AMDHD1: variants seen among roughly 807,000 people sequenced by gnomAD.
The protein encoded by AMDHD1 is amidohydrolase domain containing 1, also known as probable imidazolonepropionase.
Under a neutral mutation model 44.1 loss-of-function variants are expected in AMDHD1, and 45 were observed. The ratio of observed to expected loss-of-function variants is 1.02; its 90% CI spans 0.80 to 1.31. The LOEUF (loss-of-function observed/expected upper bound fraction) is 1.31. Among genes scored for constraint, AMDHD1 ranks in the 50% most tolerant of loss-of-function variants. The probability of loss-of-function intolerance (pLI) is 0.00; values close to 1 mark genes in which losing one functional copy is unlikely to be tolerated. For synonymous variants in AMDHD1, 206 were observed against 205.0 expected, an observed-to-expected ratio of 1.00 and a Z score of -0.04; for missense variants, 586 against 552.1, an observed-to-expected ratio of 1.06 and a Z score of -0.61.
At chr12:95,960,227 T>C (rs1377662803) in intron 4 of AMDHD1, among the ~76,000 whole-genome samples, 171 bp from the exon 5 acceptor site, 1 of 152,226 alleles carries the variant, frequency 6.6e-6, no homozygotes, top group Non-Finnish European at 1.5e-5. Context: ...TATGTAGACA[T>C]GGCCCAATAG....
intron 6 of AMDHD1, among the ~76,000 whole-genome samples, chr12:95,963,797 G>A (rs981830131): frequency 6.6e-6 from 1 of 152,114 alleles, no homozygotes. Flanking sequence ...TTGGGAAGCC[G>A]AGGTGGGCAG....
At chr12:95,961,991 TGCTCGGTG>T (rs1359254994) in intron 5 of AMDHD1, among the ~76,000 whole-genome samples, 1 of 152,224 alleles carries the variant, frequency 6.6e-6, no homozygotes, top group African/African-American at 2.4e-5. Context: ...ATTTAGGCCA[TGCTCGGTG>T]GCTCACGCCT....
At chr12:95,947,652 G>A (rs1337588143) in intron 1 of AMDHD1, among the ~76,000 whole-genome samples, 7 of 59,768 alleles carry the variant, frequency 1.2e-4, no homozygotes, top group African/African-American at 1.9e-4. Flanking sequence ...CCGGCCAGCC[G>A]CCCCGTCCGG....
chr12:95,954,654 A>G (rs143254406), intron 2 of AMDHD1, among the ~76,000 whole-genome samples: 17 of 152,224 alleles, frequency 1.1e-4, no homozygotes, highest in Non-Finnish European at 1.8e-4. Flanking sequence ...AAGGAGCTGT[A>G]TTTCTGTAAG....
chr12:95,957,105 C>A, intron 4 of AMDHD1, 143 bp downstream of exon 4: 2 of 1,158,408 alleles, frequency 1.7e-6, no homozygotes, highest in Non-Finnish European at 2.4e-6. Flanking sequence ...CCACTCATCC[C>A]GCAGACTCGG....
rs767346412 is a variant in AMDHD1 at position 95,956,865 on chromosome 12, G to C, written c.490G>C (p.Glu164Gln). 9 of 1,614,068 alleles carry C rather than the reference G, an allele frequency of 5.6e-6. No individual in the cohort carries two copies. The highest frequency in any genetic ancestry group is 3.3e-5 in the South Asian group (3 of 91,092). ...CAAGAGTGGATATGGCCTCGACCTG[G>C]AGACCGAGCTCAAGATGCTGCGCGT... ...ECKSGYGLDL[E>Q]TELKMLRVIE... The change falls in exon 4 of 9, where the codon GAG (glutamate) becomes CAG (glutamine). Residue 164 changes from glutamate (E) to glutamine (Q), a missense_variant. Transcript: ENST00000266736.
At chr12:95,948,359 T>G (rs1270457533) in intron 1 of AMDHD1, among the ~76,000 whole-genome samples, 5 of 31,418 alleles carry the variant, frequency 1.6e-4, no homozygotes, top group Admixed American at 3.3e-4. Context: ...GGGAGGGAGG[T>G]GGGGGGGGGT....
chr12:95,960,181 G>C (rs985046012), intron 4 of AMDHD1, among the ~76,000 whole-genome samples: 7 of 152,102 alleles, frequency 4.6e-5, no homozygotes, highest in Admixed American at 3.9e-4. Context: ...CTGTGCATAG[G>C]GTCAGTGCAT....
At chr12:95,956,582 T>C in intron 3 of AMDHD1, 103 bp from the exon 4 acceptor site, 1 of 1,493,422 alleles carries the variant, frequency 6.7e-7, no homozygotes, top group Non-Finnish European at 9.1e-7. Context: ...CCATGCCATA[T>C]GGCTTCTTAA....
chr12:95,967,415 C>T (rs2080617017), intron 8 of AMDHD1, among the ~76,000 whole-genome samples: 1 of 152,198 alleles, frequency 6.6e-6, no homozygotes, highest in Non-Finnish European at 1.5e-5. Context: ...GAGCCCATTG[C>T]AGCCCTTGGA....
intron 1 of AMDHD1, among the ~76,000 whole-genome samples, chr12:95,945,395 C>T (rs530429895): frequency 3.9e-5 from 6 of 152,250 alleles, no homozygotes; most frequent in Non-Finnish European, 8.8e-5. Context: ...TAGCTCGGTA[C>T]AGGATGGTGT....
intron 1 of AMDHD1, among the ~76,000 whole-genome samples, chr12:95,949,140 T>TAAAAAAAAAAAA (rs1170844527): frequency 4.5e-4 from 2 of 4,462 alleles, no homozygotes; most frequent in Middle Eastern, 0.1. Flanking sequence ...AAAAATAAAT[T>TAAAAAAAAAAAA]AAAAAAAAAA....
At chr12:95,954,421 T>C (rs1161426283) in intron 2 of AMDHD1, among the ~76,000 whole-genome samples, 1 of 151,778 alleles carries the variant, frequency 6.6e-6, no homozygotes, top group Admixed American at 6.6e-5. Context: ...TGGCAAATTT[T>C]AGCTTGTGTG....
At chr12:95,957,314 C>T (rs1441050196) in intron 4 of AMDHD1, among the ~76,000 whole-genome samples, 2 of 152,188 alleles carry the variant, frequency 1.3e-5, no homozygotes, top group African/African-American at 4.8e-5. Context: ...TAGTAATGCT[C>T]TTTAAGAGGT....
intron 8 of AMDHD1, among the ~76,000 whole-genome samples, chr12:95,967,228 T>C (rs191269926): frequency 2.0e-5 from 3 of 152,288 alleles, no homozygotes; most frequent in African/African-American, 7.2e-5. Context: ...GAGAACAGCA[T>C]GGGAAAGACC....
chr12:95,947,591 G>A lies in AMDHD1; in HGVS notation c.137+4056G>A, dbSNP rs1335847227. On this transcript the variant is annotated intron_variant, in intron 1 of 8. Coordinates refer to ENST00000266736, the MANE Select transcript of AMDHD1 (RefSeq NM_152435.3). ...AGGGAGGTGGGGGGTCAGCCCCCCC[G>A]CCCGGACAGCCGTGCCGTCCAGGAG... 2.3e-4 allele frequency among the ~76,000 whole-genome samples: 15 copies of A among 65,316 alleles called. 3 individuals are homozygous for A. Among genetic ancestry groups the A allele is most frequent in the Admixed American group, 4.5e-4 (3 of 6,646 alleles). 42.8% of individuals were successfully genotyped at this position (65,316 alleles called of 152,430 possible).
intron 1 of AMDHD1, among the ~76,000 whole-genome samples, chr12:95,947,993 G>A (rs1166114686): frequency 7.8e-6 from 1 of 128,524 alleles, no homozygotes; most frequent in African/African-American, 3.0e-5. Context: ...GAGGTGGGGG[G>A]GTCAGCCCCC....
intron 5 of AMDHD1, among the ~76,000 whole-genome samples, chr12:95,961,452 C>T (rs2080581165): frequency 6.6e-6 from 1 of 152,188 alleles, no homozygotes. Context: ...AGCAGTAAGA[C>T]AAAGTCCCTA....
rs146195801 is a variant in AMDHD1 at position 95,967,985 on chromosome 12, A to T, written c.*142A>T. 1,474 of 585,582 alleles carry T rather than the reference A, an allele frequency of 2.5e-3. 15 individuals are homozygous for T. In the African/African-American group the frequency reaches 0.026, roughly 10 times the overall value. 36.3% of individuals were successfully genotyped at this position (585,582 alleles called of 1,614,324 possible). ...AATGTCTTTTTAAGTCACTCAAAAAACCCAAGGGATAGATTTATTTTCATT... is the reference window on the plus strand; with the variant it reads ...AATGTCTTTTTAAGTCACTCAAAAATCCCAAGGGATAGATTTATTTTCATT... On this transcript the variant is annotated 3_prime_UTR_variant, in exon 9 of 9. Transcript: ENST00000266736.
Sources: gnomAD v4.1 joint callset for allele counts (sites outside exome capture counted in the v4.1 genomes callset) on GRCh38, gnomAD v4.1.1 for gene constraint, MANE v1.5 for transcripts, NCBI Gene and HGNC (gene_info 2026-07-23, HGNC 2026-07-21) for gene names.